The following PCDHA1 variants were observed in gnomAD, a reference collection of about 807,000 sequenced individuals.
PCDHA1 encodes the protein protocadherin alpha-1.
PCDHA1 carries 42 observed loss-of-function variants against 61.3 expected under a neutral mutation model. The ratio of observed to expected loss-of-function variants is 0.69; its 90% CI spans 0.54 to 0.89. PCDHA1 has a LOEUF of 0.89. Among genes scored for constraint, PCDHA1 ranks in the 40% least tolerant of loss-of-function variants. PCDHA1 has a pLI of 0.00. For synonymous variants in PCDHA1, 610 were observed against 553.8 expected, an observed-to-expected ratio of 1.10 and a Z score of -1.43; for missense variants, 1,256 against 1,235.3, an observed-to-expected ratio of 1.02 and a Z score of -0.25.
intron 1 of PCDHA1, among the ~76,000 whole-genome samples, chr5:140,874,556 C>T (rs1194980368): frequency 3.3e-5 from 5 of 152,178 alleles, no homozygotes; most frequent in African/African-American, 4.8e-5. Flanking sequence ...AGAGATCTTT[C>T]GCATTTTAGT....
chr5:140,847,671 A>G (rs1178920203), intron 1 of PCDHA1: 1 of 149,902 alleles, frequency 6.7e-6, no homozygotes, highest in Admixed American at 6.7e-5. Flanking sequence ...TAAAGCTTGG[A>G]AAGAATCAAA....
chr5:140,805,582 C>A, intron 1 of PCDHA1: 1 of 941,436 alleles, frequency 1.1e-6, no homozygotes, highest in Non-Finnish European at 1.3e-6. Context: ...AAATGGCTAC[C>A]ATTATGTCTT....
intron 1 of PCDHA1, chr5:140,803,455 A>G: frequency 1.9e-6 from 3 of 1,614,234 alleles, no homozygotes; most frequent in Non-Finnish European, 2.5e-6. Context: ...TACTCGCAGC[A>G]GAGGCAGCAG....
In PCDHA1 at chr5:141,012,312, C is replaced by CTGT; in HGVS notation, c.*2377_*2379dup. On this transcript the variant is annotated 3_prime_UTR_variant, in exon 4 of 4. Transcript: ENST00000504120. ...TGAATTGGTGCTATTGGTATTTCCT[C>CTGT]TGTTATTGCTAATAAATGAAAATGG... The CTGT allele has an allele frequency of 6.5e-6, 1 of 153,698 alleles. No individual in the cohort carries two copies. Among genetic ancestry groups the CTGT allele is most frequent in the Middle Eastern group, 3.2e-3 (1 of 316 alleles). 9.5% of individuals were successfully genotyped at this position (153,698 alleles called of 1,614,324 possible).
At chr5:140,852,737 C>A in intron 1 of PCDHA1, 1 of 983,808 alleles carries the variant, frequency 1.0e-6, no homozygotes, top group Non-Finnish European at 1.2e-6. Context: ...GTTTCATGTG[C>A]CATTTAAACT....
At chr5:140,887,955 CT>C (rs2061644555) in intron 1 of PCDHA1, among the ~76,000 whole-genome samples, 1 of 152,088 alleles carries the variant, frequency 6.6e-6, no homozygotes, top group Non-Finnish European at 1.5e-5. Flanking sequence ...GTATAAGATT[CT>C]TTTTGTCTCT....
intron 1 of PCDHA1, chr5:140,926,693 C>G (rs576013331): frequency 3.9e-4 from 291 of 742,942 alleles, no homozygotes; most frequent in Non-Finnish European, 5.0e-4. Flanking sequence ...CTAGCAAGCC[C>G]GGCTCCCAGC....
chr5:140,873,153 C>T (rs2054129567), intron 1 of PCDHA1, among the ~76,000 whole-genome samples: 1 of 152,224 alleles, frequency 6.6e-6, no homozygotes, highest in East Asian at 1.9e-4. Flanking sequence ...TATTCATAGA[C>T]TTTAGATCGA....
At chr5:141,007,839 A>C (rs782046722) in intron 3 of PCDHA1, among the ~76,000 whole-genome samples, 2 of 152,226 alleles carry the variant, frequency 1.3e-5, no homozygotes, top group Non-Finnish European at 2.9e-5. Context: ...TACCCATTAG[A>C]GACTCAAAGT....
In PCDHA1 at chr5:140,843,327, T is replaced by C. The variant is rs2150357538; in HGVS notation, c.2394+54643T>C. On this transcript the variant is annotated intron_variant, in intron 1 of 3. Coordinates refer to ENST00000504120, the MANE Select transcript of PCDHA1 (RefSeq NM_018900.4). ...GCCACGGCCACGGTTCTGGTGTCGC[T>C]GGTGGAGAGCGGCCAGGCTCCAAAA... 16 of 1,595,936 alleles carry C rather than the reference T, an allele frequency of 1.0e-5. No individual in the cohort carries two copies. In the South Asian group the frequency reaches 1.5e-4, roughly 15 times the overall value.
chr5:140,982,538 G>C lies in PCDHA1; in HGVS notation c.2517G>C (p.Trp839Cys), dbSNP rs782094765. The change falls in exon 3 of 4, where the codon TGG becomes TGC. Residue 839 changes from tryptophan to cysteine, a missense_variant. Coordinates refer to ENST00000504120, the MANE Select transcript of PCDHA1 (RefSeq NM_018900.4). ...GTCCAGGAGGGCCTGATCAGCAGTG[G>C]CCAACAGTATCCAGTGCAACACCAG... ...RAGPGGPDQQ[W>C]PTVSSATPEP... 1 of 1,614,166 alleles carries C rather than the reference G, an allele frequency of 6.2e-7. No individual in the cohort carries two copies.
intron 1 of PCDHA1, among the ~76,000 whole-genome samples, chr5:140,885,964 G>A (rs1326363408): frequency 6.6e-6 from 1 of 151,886 alleles, no homozygotes; most frequent in Non-Finnish European, 1.5e-5. Flanking sequence ...TTTTTATTTT[G>A]AGATAATTAT....
chr5:140,884,803 C>T, intron 1 of PCDHA1: 1 of 1,225,142 alleles, frequency 8.2e-7, no homozygotes, highest in Non-Finnish European at 1.1e-6. Context: ...AATTTAACAA[C>T]TCTGCTGTGG....
chr5:140,805,378 G>A, intron 1 of PCDHA1: 8 of 1,125,842 alleles, frequency 7.1e-6, no homozygotes, highest in African/African-American at 1.6e-5. Flanking sequence ...CATAGTGAAA[G>A]TACTCTGGTT....
chr5:140,831,947 A>G (rs1581926108), intron 1 of PCDHA1, among the ~76,000 whole-genome samples: 1 of 152,334 alleles, frequency 6.6e-6, no homozygotes, highest in East Asian at 1.9e-4. Flanking sequence ...AGAGGAAAAG[A>G]AAAACTTTAT....
chr5:140,953,075 A>G (rs1208986278), intron 1 of PCDHA1, among the ~76,000 whole-genome samples: 4 of 152,190 alleles, frequency 2.6e-5, no homozygotes, highest in Admixed American at 2.6e-4. Context: ...CATCTCCAAC[A>G]TTGGGGATTA....
chr5:140,875,744 A>G, intron 1 of PCDHA1: 2 of 1,614,206 alleles, frequency 1.2e-6, no homozygotes, highest in Non-Finnish European at 1.7e-6. Flanking sequence ...TCTCGGATCG[A>G]CCGCGAGAAG....
chr5:140,843,468 T>C, intron 1 of PCDHA1: 2 of 1,595,998 alleles, frequency 1.3e-6, no homozygotes, highest in Non-Finnish European at 1.7e-6. Flanking sequence ...CTCACGCTGC[T>C]GCTGTACACT....
At chr5:140,874,202 T>C (rs11741879) in intron 1 of PCDHA1, among the ~76,000 whole-genome samples, 12,321 of 152,316 alleles carry the variant, frequency 0.081, 541 homozygotes, top group Middle Eastern at 0.13. Context: ...TTCAGTTGCC[T>C]TTATTATTAT....
Sources: allele counts gnomAD v4.1 joint callset (sites outside exome capture counted in the v4.1 genomes callset), GRCh38; gene constraint gnomAD v4.1.1; transcripts MANE v1.5; gene names NCBI Gene and HGNC (gene_info 2026-07-23, HGNC 2026-07-21).